Variants in NFIA observed in about 807,000 individuals in gnomAD.
NFIA encodes the protein nuclear factor I A, also known as nuclear factor 1 A-type.
In NFIA, 8 loss-of-function variants were observed where a neutral mutation model predicts 62.8. The observed-to-expected ratio is 0.13, with a 90% CI of 0.07 to 0.23. The LOEUF (loss-of-function observed/expected upper bound fraction) is 0.23. NFIA is among the 10% of genes least tolerant of loss of function. The pLI, the probability that NFIA is intolerant of heterozygous loss-of-function variation, is 1.00. For synonymous variants in NFIA, 235 were observed against 238.1 expected (o/e 0.99, Z 0.12); for missense variants, 410 against 642.1 (o/e 0.64, Z 3.91).
chr1:61,079,918 C>G (rs1646075042), upstream of NFIA, among the ~76,000 whole-genome samples: 1 of 152,172 alleles, frequency 6.6e-6, no homozygotes, highest in African/African-American at 2.4e-5. Context: ...TTACCAGAAG[C>G]CTTTCTGTAA....
intron 9 of NFIA, among the ~76,000 whole-genome samples, chr1:61,409,735 G>T (rs553698271): frequency 2.6e-5 from 4 of 152,128 alleles, no homozygotes; most frequent in African/African-American, 9.7e-5. Context: ...CATATGGTCC[G>T]CCCTAGCCTG....
intron 10 of NFIA, among the ~76,000 whole-genome samples, chr1:61,449,327 C>G (rs906459326): frequency 3.9e-5 from 6 of 152,204 alleles, no homozygotes; most frequent in Non-Finnish European, 1.5e-5. Context: ...CTTTGGTAAC[C>G]TCGGATACAG....
intron 2 of NFIA, among the ~76,000 whole-genome samples, chr1:61,154,399 G>A (rs1043613085): frequency 1.3e-5 from 2 of 152,172 alleles, no homozygotes; most frequent in East Asian, 1.9e-4. Context: ...TAGGTGATCC[G>A]CCCGCCTTGG....
intron 6 of NFIA, among the ~76,000 whole-genome samples, chr1:61,370,460 G>A (rs541337957): frequency 6.6e-6 from 1 of 152,136 alleles, no homozygotes; most frequent in Non-Finnish European, 1.5e-5. Flanking sequence ...GGAATAAAAC[G>A]TCACTTTACT....
At chr1:61,453,443 C>CTTTTTTTTTTTTTTT (rs11336299) in intron 10 of NFIA, among the ~76,000 whole-genome samples, 24 of 78,884 alleles carry the variant, frequency 3.0e-4, no homozygotes, top group African/African-American at 3.6e-4. Context: ...TGTGAAGAAA[C>CTTTTTTTTTTTTTTT]TTTTTTTTTT....
At chr1:61,175,966 A>G (rs1314645311) in intron 2 of NFIA, among the ~76,000 whole-genome samples, 3 of 152,240 alleles carry the variant, frequency 2.0e-5, no homozygotes, top group Middle Eastern at 3.2e-3. Context: ...GCCCCGGGCT[A>G]TCTTTCTGCA....
At chr1:61,121,284 C>A (rs1646882442) in intron 2 of NFIA, among the ~76,000 whole-genome samples, 1 of 152,050 alleles carries the variant, frequency 6.6e-6, no homozygotes, top group South Asian at 2.1e-4. Context: ...AAAACCTTCT[C>A]TTTTGGGAAA....
At chr1:61,222,974 A>G (rs1191020605) in intron 2 of NFIA, among the ~76,000 whole-genome samples, 1 of 152,090 alleles carries the variant, frequency 6.6e-6, no homozygotes, top group Non-Finnish European at 1.5e-5. Context: ...CACAATTTAA[A>G]CCAAAATAAC....
chr1:61,396,889 C>T (rs1665302047), intron 7 of NFIA, among the ~76,000 whole-genome samples: 1 of 151,990 alleles, frequency 6.6e-6, no homozygotes, highest in Non-Finnish European at 1.5e-5. Flanking sequence ...GTAGTCCCAG[C>T]TACTCGGGAG....
chr1:61,319,641 T>TA (rs1408891748), intron 3 of NFIA, among the ~76,000 whole-genome samples: 2 of 152,066 alleles, frequency 1.3e-5, no homozygotes, highest in Non-Finnish European at 2.9e-5. Flanking sequence ...CTCTATAACT[T>TA]AAAGATATTT....
At chr1:61,429,159 C>G (rs1420266150) in intron 10 of NFIA, among the ~76,000 whole-genome samples, 1 of 152,172 alleles carries the variant, frequency 6.6e-6, no homozygotes, top group Non-Finnish European at 1.5e-5. Context: ...TAGGCAGCTT[C>G]AGACTATCAT....
intron 2 of NFIA, among the ~76,000 whole-genome samples, chr1:61,099,201 C>T (rs534662788): frequency 6.6e-6 from 1 of 152,262 alleles, no homozygotes; most frequent in East Asian, 1.9e-4. Context: ...TGTATAAAGA[C>T]TGATTATGCA....
intron 2 of NFIA, among the ~76,000 whole-genome samples, chr1:61,192,279 C>T (rs920678210): frequency 3.3e-5 from 5 of 151,944 alleles, no homozygotes; most frequent in Non-Finnish European, 5.9e-5. Flanking sequence ...CCACTGCACC[C>T]GGCCAAAAAA....
At chr1:61,077,613 T>A, upstream of NFIA, 1 of 1,419,174 alleles carries the variant, frequency 7.0e-7, no homozygotes, top group Non-Finnish European at 9.4e-7. Context: ...TCACGTACTC[T>A]TTTTACATTG....
At chr1:61,135,290 C>T (rs1447486447) in intron 2 of NFIA, among the ~76,000 whole-genome samples, 1 of 152,186 alleles carries the variant, frequency 6.6e-6, no homozygotes, top group Non-Finnish European at 1.5e-5. Context: ...TAGCCCAGAC[C>T]AAGGATCTTT....
chr1:61,106,100 C>CATCTGTCT (rs1553150997), intron 2 of NFIA, among the ~76,000 whole-genome samples: 1 of 149,046 alleles, frequency 6.7e-6, no homozygotes, highest in Non-Finnish European at 1.5e-5. Flanking sequence ...CTCTCTCATG[C>CATCTGTCT]ATCTATCTAT....
chr1:61,263,305 G>A (rs1656886555), intron 2 of NFIA, among the ~76,000 whole-genome samples: 1 of 152,128 alleles, frequency 6.6e-6, no homozygotes, highest in Non-Finnish European at 1.5e-5. Flanking sequence ...AGGTGATACT[G>A]GTATCACTCA....
At chr1:61,183,420 G>A (rs1353409000) in intron 2 of NFIA, among the ~76,000 whole-genome samples, 1 of 152,158 alleles carries the variant, frequency 6.6e-6, no homozygotes, top group Non-Finnish European at 1.5e-5. Flanking sequence ...TGCTCTGGAG[G>A]AACACCGATA....
At chr1:61,348,119 G>A (rs1040472049) in intron 4 of NFIA, among the ~76,000 whole-genome samples, 1 of 152,188 alleles carries the variant, frequency 6.6e-6, no homozygotes, top group East Asian at 1.9e-4. Context: ...CCAGATTAGA[G>A]GTACTGAGAA....
Sources: allele counts gnomAD v4.1 joint callset (sites outside exome capture counted in the v4.1 genomes callset), GRCh38; gene constraint gnomAD v4.1.1; transcripts MANE v1.5; gene names NCBI Gene and HGNC (gene_info 2026-07-23, HGNC 2026-07-21).